The following CDK14 variants were observed in gnomAD, a reference collection of about 807,000 sequenced individuals.
CDK14 encodes the protein cyclin-dependent kinase 14.
Under a neutral mutation model 60.7 loss-of-function variants are expected in CDK14, and 34 were observed. That is an observed-to-expected ratio of 0.56 (90% CI 0.43 to 0.75). The LOEUF is 0.75. CDK14 is among the 30% of genes least tolerant of loss of function. The pLI is 0.00. For missense variants in CDK14, 482 were observed against 564.1 expected, an observed-to-expected ratio of 0.85 and a Z score of 1.47; for synonymous variants, 197 against 203.7, an observed-to-expected ratio of 0.97 and a Z score of 0.28.
In CDK14 at chr7:90,728,799, G is replaced by A. The variant is rs756900202; in HGVS notation, c.369+1987G>A. On this transcript the variant is annotated intron_variant, in intron 3 of 14. Coordinates refer to ENST00000380050, the MANE Select transcript of CDK14 (RefSeq NM_001287135.2). ...AAGTTGATTGGAAGCTCTGTGCCTG[G>A]GTGGCTTGTCAGTTGGTTGGCTTCA... Among the ~76,000 whole-genome samples the A allele has an allele frequency of 1.6e-4, 24 of 152,024 alleles. No homozygotes were observed. The Middle Eastern group carries it at 0.014, about 86-fold the overall frequency.
At chr7:91,113,073 T>C (rs1584078883) in intron 13 of CDK14, among the ~76,000 whole-genome samples, 1 of 152,342 alleles carries the variant, frequency 6.6e-6, no homozygotes, top group East Asian at 1.9e-4. Context: ...AAGGAAAATA[T>C]GATTTACATA....
chr7:90,680,317 G>A (rs1801288418), intron 2 of CDK14, among the ~76,000 whole-genome samples: 1 of 152,088 alleles, frequency 6.6e-6, no homozygotes, highest in Non-Finnish European at 1.5e-5. Context: ...ATTAGACATA[G>A]CTTCTAGTAT....
At chr7:90,889,030 G>C (rs1286565573) in intron 6 of CDK14, among the ~76,000 whole-genome samples, 1 of 152,104 alleles carries the variant, frequency 6.6e-6, no homozygotes. Flanking sequence ...TCTACAGAAT[G>C]GTTTACTTCT....
intron 14 of CDK14, among the ~76,000 whole-genome samples, chr7:91,132,201 G>T (rs1413359155): frequency 6.6e-6 from 1 of 152,162 alleles, no homozygotes; most frequent in East Asian, 1.9e-4. Context: ...TATTAATTTT[G>T]CTCGAGGAGA....
In CDK14 at chr7:90,829,280, C is replaced by T. The variant is rs185457430; in HGVS notation, c.545-33895C>T. On this transcript the variant is annotated intron_variant, in intron 5 of 14. Coordinates refer to ENST00000380050, the MANE Select transcript of CDK14 (RefSeq NM_001287135.2). ...GTCTTTCTCACATTTCAGAACCCAT[C>T]ATGCCTTCCCAGCAGTCTCCCAAAG... 1.1e-3 allele frequency among the ~76,000 whole-genome samples: 171 copies of T among 152,304 alleles called. 1 individual carries two copies. The highest frequency in any genetic ancestry group is 3.9e-3 in the African/African-American group (164 of 41,562).
intron 10 of CDK14, among the ~76,000 whole-genome samples, chr7:91,030,838 G>A (rs2115935536): frequency 6.6e-6 from 1 of 152,302 alleles, no homozygotes; most frequent in East Asian, 1.9e-4. Flanking sequence ...GTATCTCCCT[G>A]GGCCTAGAAG....
chr7:91,167,680 T>A (rs1801387165), intron 14 of CDK14, among the ~76,000 whole-genome samples: 1 of 152,212 alleles, frequency 6.6e-6, no homozygotes. Flanking sequence ...AAATAATAGA[T>A]GGCTTCAGGC....
chr7:91,169,246 C>G (rs1445111396), intron 14 of CDK14, among the ~76,000 whole-genome samples: 1 of 152,150 alleles, frequency 6.6e-6, no homozygotes, highest in Non-Finnish European at 1.5e-5. Flanking sequence ...CCAGTGTACT[C>G]TAATCTGTGG....
At chr7:90,934,304 T>C (rs1584140553) in intron 8 of CDK14, among the ~76,000 whole-genome samples, 1 of 152,254 alleles carries the variant, frequency 6.6e-6, no homozygotes, top group African/African-American at 2.4e-5. Context: ...GTGCCAGCAA[T>C]GTACAGTTTG....
intron 14 of CDK14, among the ~76,000 whole-genome samples, chr7:91,128,131 A>G (rs1177180181): frequency 1.3e-5 from 2 of 152,156 alleles, no homozygotes; most frequent in African/African-American, 2.4e-5. Flanking sequence ...GTTAAAATGT[A>G]TATTTTCAAA....
At chr7:90,866,936 G>A (rs1420465065) in intron 6 of CDK14, among the ~76,000 whole-genome samples, 1 of 151,798 alleles carries the variant, frequency 6.6e-6, no homozygotes, top group Non-Finnish European at 1.5e-5. Context: ...TTCTTATACA[G>A]TTACAAAGTC....
intron 3 of CDK14, among the ~76,000 whole-genome samples, chr7:90,735,733 C>T (rs1204166563): frequency 1.3e-5 from 2 of 152,250 alleles, no homozygotes; most frequent in Non-Finnish European, 2.9e-5. Context: ...GCGAGAATTT[C>T]AAGCCAGTGG....
At chr7:91,198,375 T>C (rs1471996676) in intron 14 of CDK14, among the ~76,000 whole-genome samples, 2 of 152,152 alleles carry the variant, frequency 1.3e-5, no homozygotes, top group African/African-American at 4.8e-5. Flanking sequence ...TGAAATAAAC[T>C]TGATGTAAGG....
At chr7:91,191,868 T>G (rs1802373849) in intron 14 of CDK14, among the ~76,000 whole-genome samples, 1 of 152,034 alleles carries the variant, frequency 6.6e-6, no homozygotes, top group Non-Finnish European at 1.5e-5. Context: ...ATTGTGTGGA[T>G]CAGAGAACTG....
intron 14 of CDK14, among the ~76,000 whole-genome samples, chr7:91,203,293 C>A (rs1802785272): frequency 6.6e-6 from 1 of 152,168 alleles, no homozygotes; most frequent in African/African-American, 2.4e-5. Flanking sequence ...CATATGAGAA[C>A]ATATTTCACC....
intron 9 of CDK14, among the ~76,000 whole-genome samples, chr7:90,967,040 C>T (rs1195845795): frequency 6.6e-6 from 1 of 150,604 alleles, no homozygotes; most frequent in African/African-American, 2.4e-5. Flanking sequence ...TGCTTGAGGG[C>T]AAGAACCAGG....
chr7:90,912,549 A>G (rs891767916), intron 7 of CDK14, among the ~76,000 whole-genome samples: 6 of 152,186 alleles, frequency 3.9e-5, no homozygotes, highest in African/African-American at 4.8e-5. Context: ...CAAAAGGAAA[A>G]ATACAGGATG....
At chr7:90,897,133 G>T (rs904413928) in intron 6 of CDK14, among the ~76,000 whole-genome samples, 1 of 152,008 alleles carries the variant, frequency 6.6e-6, no homozygotes. Context: ...CTATTGTTAG[G>T]TGTGCAAATG....
At chr7:90,627,728 C>G (rs1437151394) in intron 2 of CDK14, among the ~76,000 whole-genome samples, 1 of 152,184 alleles carries the variant, frequency 6.6e-6, no homozygotes, top group Non-Finnish European at 1.5e-5. Context: ...AGCACCTAAA[C>G]AGGTGCTACT....
Sources: gnomAD v4.1 joint callset for allele counts (sites outside exome capture counted in the v4.1 genomes callset) on GRCh38, gnomAD v4.1.1 for gene constraint, MANE v1.5 for transcripts, NCBI Gene and HGNC (gene_info 2026-07-23, HGNC 2026-07-21) for gene names.